The following HPS3 variants were observed in gnomAD, a reference collection of about 807,000 sequenced individuals.
The protein encoded by HPS3 is HPS3 biogenesis of lysosomal organelles complex 2 subunit 1, also known as BLOC-2 complex member HPS3.
A neutral mutation model predicts 110.9 loss-of-function variants in HPS3; 79 were observed. That is an observed-to-expected ratio of 0.71 (90% CI 0.59 to 0.86). The LOEUF (loss-of-function observed/expected upper bound fraction) is 0.86. HPS3 is among the 40% of genes least tolerant of loss of function. The pLI, the probability that HPS3 is intolerant of heterozygous loss-of-function variation, is 0.00. For synonymous variants in HPS3, 428 were observed against 451.0 expected, an observed-to-expected ratio of 0.95 and a Z score of 0.65; for missense variants, 1,197 against 1,206.2, an observed-to-expected ratio of 0.99 and a Z score of 0.11.
rs1180944558 is a variant in HPS3 at position 149,145,554 on chromosome 3, T to G, written c.1163+8T>G. The G allele has an allele frequency of 6.2e-7, 1 of 1,611,398 alleles. No homozygotes were observed. The highest frequency in any genetic ancestry group is 2.2e-5 in the East Asian group (1 of 44,870). ...TTTGCACGTCATTACAAGGTACTGT[T>G]AGAGGGTCACTTGCTGGCCTGTGAG... On this transcript the variant is annotated splice_region_variant and intron_variant, in intron 5 of 16. Transcript: ENST00000296051.
rs1218805667 is a variant in HPS3 at position 149,158,667 on chromosome 3, C to T, written c.1693C>T (p.Leu565Phe). 31 of 1,613,356 alleles carry T rather than the reference C, an allele frequency of 1.9e-5. No homozygotes were observed. Among genetic ancestry groups the T allele is most frequent in the Non-Finnish European group, 2.5e-5 (29 of 1,179,428 alleles). Residue 565 changes from leucine to phenylalanine, a missense_variant and splice_region_variant, in exon 10 of 17, where the codon CTT (leucine) becomes TTT (phenylalanine). Leu to Phe is a conservative substitution (Grantham distance 22, BLOSUM62 0). Transcript: ENST00000296051. ...CGHLGDCYSR[L>F]DSQHSHLTLP... ...GGTTTTTCATTTCCTTCCCTTTAGG[C>T]TTGACTCCCAGCATTCTCATCTCAC...
intron 4 of HPS3, among the ~76,000 whole-genome samples, chr3:149,142,416 C>T (rs2108132990): frequency 6.6e-6 from 1 of 152,224 alleles, no homozygotes; most frequent in African/African-American, 2.4e-5. Context: ...TCAACCCTGC[C>T]ACACAATGGG....
At chr3:149,142,638 T>A (rs1194836879) in intron 4 of HPS3, among the ~76,000 whole-genome samples, 5 of 150,844 alleles carry the variant, frequency 3.3e-5, no homozygotes, top group Admixed American at 3.3e-4. Flanking sequence ...TCCGATTAAA[T>A]GTGTTTCTAA....
At chr3:149,171,990 C>G in intron 16 of HPS3, 105 bp from the exon 17 acceptor site, 1 of 1,097,472 alleles carries the variant, frequency 9.1e-7, no homozygotes, top group Non-Finnish European at 1.4e-6. Context: ...CAGGCGTGAG[C>G]CACCACGCCT....
At chr3:149,157,659 A>G (rs1268913907) in intron 9 of HPS3, 128 bp downstream of exon 9, 5 of 859,588 alleles carry the variant, frequency 5.8e-6, no homozygotes, top group Non-Finnish European at 9.5e-6. Flanking sequence ...TTCTTCCACA[A>G]GCATTTGTTG....
At chr3:149,153,308 A>G (rs1723247913) in intron 6 of HPS3, among the ~76,000 whole-genome samples, 186 bp from the exon 7 acceptor site, 1 of 152,218 alleles carries the variant, frequency 6.6e-6, no homozygotes. Flanking sequence ...ACATAGGTTT[A>G]GATAACCTCT....
chr3:149,139,604 A>C (rs1371323968), intron 1 of HPS3, among the ~76,000 whole-genome samples: 1 of 152,204 alleles, frequency 6.6e-6, no homozygotes, highest in Non-Finnish European at 1.5e-5. Context: ...GAGGGTTTGA[A>C]ATGTAAATTC....
At position 149,140,141 on chromosome 3, in the gene HPS3, A is replaced by G; in HGVS notation, c.355A>G (p.Lys119Glu). ...IGHNVEGPFS[K>E]AFRDQMYIIE... ...GCATAATGTGGAGGGACCATTCAGCAAAGCCTTCAGAGACCAGATGTACAT... is the reference window on the plus strand; with the variant it reads ...GCATAATGTGGAGGGACCATTCAGCGAAGCCTTCAGAGACCAGATGTACAT... Residue 119 changes from lysine (K) to glutamate (E), a missense_variant, in exon 2 of 17, where the codon AAA becomes GAA. Physicochemically the swap from Lys to Glu is moderately conservative, Grantham distance 56. Transcript: ENST00000296051. 6.2e-7 allele frequency: 1 copy of G among 1,613,934 alleles called. No individual in the cohort carries two copies. Among genetic ancestry groups the G allele is most frequent in the South Asian group, 1.1e-5 (1 of 91,056 alleles).
chr3:149,129,672 C>A lies in HPS3; in HGVS notation c.-52C>A. ...CCTACATTCGCGGTCAGCGCGGGGT[C>A]TCCGGGCGCCCTGCAGGGCGGGCAG... On this transcript the variant is annotated 5_prime_UTR_variant, in exon 1 of 17. Coordinates refer to ENST00000296051, the MANE Select transcript of HPS3 (RefSeq NM_032383.5). 1 of 1,394,516 alleles carries A rather than the reference C, an allele frequency of 7.2e-7. No homozygotes were observed. The highest frequency in any genetic ancestry group is 9.5e-7 in the Non-Finnish European group (1 of 1,051,692). 86.4% of individuals were successfully genotyped at this position (1,394,516 alleles called of 1,614,324 possible). A position where few individuals can be genotyped will look rare whatever the true frequency, so the allele number is the denominator to read the frequency against.
At chr3:149,157,283 T>C in intron 8 of HPS3, 67 bp from the exon 9 acceptor site, 1 of 1,355,208 alleles carries the variant, frequency 7.4e-7, no homozygotes, top group Non-Finnish European at 1.1e-6. Context: ...ATATAAATGT[T>C]TTTAAGAACT....
At chr3:149,153,829 G>T in intron 7 of HPS3, 181 bp downstream of exon 7, 1 of 634,518 alleles carries the variant, frequency 1.6e-6, no homozygotes. Flanking sequence ...CTTTATAACT[G>T]ACCTGGAAAC....
intron 8 of HPS3, 102 bp from the exon 9 acceptor site, chr3:149,157,248 C>A: frequency 9.5e-7 from 1 of 1,054,446 alleles, no homozygotes; most frequent in Non-Finnish European, 1.4e-6. Context: ...TTAATATGTC[C>A]AAATGTTAAC....
Position 149,140,058 on chromosome 3 carries a change from A to C in HPS3, c.272A>C (p.Tyr91Ser). The C allele has an allele frequency of 1.2e-5, 19 of 1,613,190 alleles. No homozygotes were observed. The highest frequency in any genetic ancestry group is 1.6e-5 in the Non-Finnish European group (19 of 1,179,488). ...EKNKATFLRA[Y>S]VNWRNKRTEN... Reference sequence around the variant, plus strand: ...AACAAAGCTACATTTCTACGTGCTTATGTGAACTGGAGAAATAAAAGGACT... The same window carrying C: ...AACAAAGCTACATTTCTACGTGCTTCTGTGAACTGGAGAAATAAAAGGACT... Residue 91 changes from tyrosine to serine, a missense_variant, in exon 2 of 17, where the codon TAT (tyrosine) becomes TCT (serine). Physicochemically the swap from Tyr to Ser is moderately radical, Grantham distance 144. Coordinates refer to ENST00000296051, the MANE Select transcript of HPS3 (RefSeq NM_032383.5).
chr3:149,148,399 C>CATTT (rs1722903495), intron 5 of HPS3, among the ~76,000 whole-genome samples: 1 of 100,372 alleles, frequency 1.0e-5, no homozygotes, highest in Non-Finnish European at 1.9e-5. Flanking sequence ...CATATCAAGA[C>CATTT]TTTTTTTTTT....
At chr3:149,171,538 A>G (rs1724988099) in intron 16 of HPS3, among the ~76,000 whole-genome samples, 1 of 152,214 alleles carries the variant, frequency 6.6e-6, no homozygotes, top group Non-Finnish European at 1.5e-5. Flanking sequence ...ATAGTAATTC[A>G]GCAATGAAAT....
rs2108130166 is a variant in HPS3 at position 149,141,177 on chromosome 3, C to T, written c.873C>T (p.His291=). The T allele has an allele frequency of 6.8e-6, 11 of 1,607,838 alleles. No homozygotes were observed. The highest frequency in any genetic ancestry group is 9.3e-6 in the Non-Finnish European group (11 of 1,178,224). ...AAAGAAAATATTCCCACTTTCAGCA[C>T]CTGCTCTATAGGTATTATAGTGCTT... The part of the protein sequence containing the change: ...DEKRKYSHFQ[H]LLYRRFAPDI... Residue 291 remains histidine, a synonymous_variant, in exon 3 of 17, where the codon CAC becomes CAT. Coordinates refer to ENST00000296051, the MANE Select transcript of HPS3 (RefSeq NM_032383.5).
At position 149,167,141 on chromosome 3, in the gene HPS3, A is replaced by G. The variant is rs1724504932; in HGVS notation, c.2697A>G (p.Thr899=). ...TCAGTGTCCATGTTCTGTGTCGTAC[A>G]CGCTTGAAAGAGTATGAACAGTGCA... is the stretch of plus-strand genomic sequence containing the variant. ...AGLSVHVLCR[T]RLKEYEQCID... Residue 899 remains threonine (T), a synonymous_variant, in exon 15 of 17, where the codon ACA becomes ACG. Coordinates refer to ENST00000296051, the MANE Select transcript of HPS3 (RefSeq NM_032383.5). 2.5e-6 allele frequency: 4 copies of G among 1,613,828 alleles called. No individual in the cohort carries two copies. Among genetic ancestry groups the G allele is most frequent in the African/African-American group, 1.3e-5 (1 of 74,936 alleles).
intron 1 of HPS3, 103 bp downstream of exon 1, chr3:149,130,043 C>A (rs1316081576): frequency 6.0e-6 from 7 of 1,158,882 alleles, no homozygotes; most frequent in African/African-American, 1.5e-5. Context: ...GATGGGACTT[C>A]TTGCTTCCCG....
intron 1 of HPS3, among the ~76,000 whole-genome samples, chr3:149,138,236 G>C (rs927822733): frequency 1.2e-4 from 18 of 152,210 alleles, no homozygotes; most frequent in African/African-American, 4.3e-4. Context: ...GGAGGAGGGA[G>C]CCTGGTCAGC....
Sources: allele counts gnomAD v4.1 joint callset (sites outside exome capture counted in the v4.1 genomes callset), GRCh38; gene constraint gnomAD v4.1.1; transcripts MANE v1.5; gene names NCBI Gene and HGNC (gene_info 2026-07-23, HGNC 2026-07-21).